The following DST variants were observed in gnomAD, a reference collection of about 807,000 sequenced individuals.
The protein encoded by DST is dystonin, also known as bullous pemphigoid antigen.
Under a neutral mutation model 875.2 loss-of-function variants are expected in DST, and 253 were observed. That is an observed-to-expected ratio of 0.29 (90% CI 0.26 to 0.32). The LOEUF is 0.32. DST is among the 10% of genes least tolerant of loss of function. The pLI, the probability that DST is intolerant of heterozygous loss-of-function variation, is 1.00. For missense variants in DST, 8,287 were observed against 9,111.6 expected (o/e 0.91, Z 3.68); for synonymous variants, 3,124 against 3,197.1 (o/e 0.98, Z 0.77).
chr6:56,951,483 C>T (rs774265263), intron 2 of DST, among the ~76,000 whole-genome samples: 2 of 152,072 alleles, frequency 1.3e-5, no homozygotes, highest in South Asian at 4.1e-4. Context: ...ATGTTTAAAA[C>T]CAAGTAAATT....
Position 56,594,202 on chromosome 6 carries a change from A to G in DST, c.12196-9T>C. The G allele has an allele frequency of 6.6e-7, 1 of 1,507,818 alleles. No homozygotes were observed. The highest frequency in any genetic ancestry group is 1.4e-5 in the South Asian group (1 of 72,966). The allele number at this position is 1,507,818 out of a possible 1,614,324, so 93.4% of individuals were successfully genotyped here. A position where few individuals can be genotyped will look rare whatever the true frequency, so the allele number is the denominator to read the frequency against. ...ATCTTCTCGTGTTGGGCCTATGTGA[A>G]AACAAATTGATCATAATCTTCAAGC... On this transcript the variant is annotated splice_polypyrimidine_tract_variant and intron_variant, in intron 47 of 103. Coordinates refer to ENST00000680361, the MANE Select transcript of DST (RefSeq NM_001374736.1).
intron 4 of DST, among the ~76,000 whole-genome samples, chr6:56,793,097 A>AAC (rs2099732814): frequency 6.8e-6 from 1 of 146,404 alleles, no homozygotes; most frequent in Non-Finnish European, 1.5e-5. Context: ...AAAAAAAAAA[A>AAC]AAGCAAAAGG....
intron 88 of DST, chr6:56,484,851 A>G (rs942889868): frequency 1.9e-5 from 3 of 155,376 alleles, no homozygotes; most frequent in African/African-American, 7.2e-5. Flanking sequence ...GGCAAGGTTA[A>G]AACAGTTTTG....
chr6:56,472,114 A>T lies in DST; in HGVS notation c.22103T>A (p.Leu7368His). The T allele has an allele frequency of 6.2e-7, 1 of 1,613,966 alleles. No homozygotes were observed. The highest frequency in any genetic ancestry group is 8.5e-7 in the Non-Finnish European group (1 of 1,179,858). ...TTTCCTCCTTCTTTCCAACGCCAGG[A>T]GCCAGACTTGCTGCCATTTGCTCAC... Reference protein sequence around the residue: ...LLVSKWQQVWLLALERRRKLN... With the variant: ...LLVSKWQQVWHLALERRRKLN... The change falls in exon 94 of 104, where the codon CTC becomes CAC. Residue 7368 changes from leucine (L) to histidine (H), a missense_variant. Leu to His is a moderately conservative substitution (Grantham distance 99). Coordinates refer to ENST00000680361, the MANE Select transcript of DST (RefSeq NM_001374736.1).
intron 2 of DST, among the ~76,000 whole-genome samples, chr6:56,901,953 G>A (rs908303350): frequency 1.3e-5 from 2 of 152,210 alleles, no homozygotes; most frequent in African/African-American, 2.4e-5. Context: ...GTAATGAAGG[G>A]TTAAAGTGGT....
intron 3 of DST, among the ~76,000 whole-genome samples, chr6:56,893,562 C>CTTTTTTTTTTTTTTTTTTTTTTTTTTT (rs1282483681): frequency 2.8e-4 from 10 of 35,896 alleles, no homozygotes; most frequent in Non-Finnish European, 3.6e-4. Context: ...ACTTTTAGTT[C>CTTTTTTTTTTTTTTTTTTTTTTTTTTT]TTTTTTTTTT....
chr6:56,497,311 G>T, intron 82 of DST, 68 bp downstream of exon 82: 1 of 1,552,766 alleles, frequency 6.4e-7, no homozygotes. Context: ...TTTATGTATC[G>T]CCAGGGCCCA....
In DST at chr6:56,535,218, C is replaced by G; in HGVS notation, c.16845G>C (p.Leu5615=). 6.2e-6 allele frequency: 10 copies of G among 1,613,592 alleles called. No homozygotes were observed. Among genetic ancestry groups the G allele is most frequent in the Non-Finnish European group, 8.5e-6 (10 of 1,179,750 alleles). The change falls in exon 63 of 104, where the codon CTG becomes CTC. Residue 5615 remains leucine (L), a synonymous_variant. Coordinates refer to ENST00000680361, the MANE Select transcript of DST (RefSeq NM_001374736.1). ...CGRFQDALES[L]LSWMVDTEEL... ...CCTCAGTGTCCACCATCCAGCTGAGCAGGGACTCCAGGGCATCCTGGAACC... is the reference window on the plus strand; with the variant it reads ...CCTCAGTGTCCACCATCCAGCTGAGGAGGGACTCCAGGGCATCCTGGAACC...
At chr6:56,562,502 T>C (rs893259358) in intron 55 of DST, among the ~76,000 whole-genome samples, 3 of 151,928 alleles carry the variant, frequency 2.0e-5, no homozygotes, top group African/African-American at 7.2e-5. Flanking sequence ...TCCAATAAAT[T>C]CCTTTATTCT....
intron 45 of DST, among the ~76,000 whole-genome samples, chr6:56,599,619 A>G (rs1232117651): frequency 1.3e-5 from 2 of 152,114 alleles, no homozygotes; most frequent in Non-Finnish European, 2.9e-5. Flanking sequence ...AAATAAAGAT[A>G]TCTTTATCTG....
chr6:56,793,847 C>T (rs1487538560), intron 4 of DST, among the ~76,000 whole-genome samples: 1 of 152,032 alleles, frequency 6.6e-6, no homozygotes, highest in Non-Finnish European at 1.5e-5. Context: ...ATTTTAAATG[C>T]ACAATAAAAG....
chr6:56,863,746 T>G (rs574303779), intron 3 of DST: 1 of 152,232 alleles, frequency 6.6e-6, no homozygotes, highest in Admixed American at 6.5e-5. Flanking sequence ...TAAAACAATA[T>G]GATGAATTCT....
At chr6:56,948,251 G>T (rs571465243) in intron 2 of DST, among the ~76,000 whole-genome samples, 194 of 152,184 alleles carry the variant, frequency 1.3e-3, no homozygotes, top group Non-Finnish European at 2.1e-3. Context: ...AAGTCAAGAA[G>T]TTTTACCTTT....
chr6:56,783,348 T>A (rs2099698223), intron 4 of DST, among the ~76,000 whole-genome samples: 1 of 152,162 alleles, frequency 6.6e-6, no homozygotes, highest in East Asian at 1.9e-4. Flanking sequence ...ATTATTATTG[T>A]GTGGGAGTCT....
chr6:56,931,364 C>G (rs1359093904), intron 2 of DST, among the ~76,000 whole-genome samples: 2 of 152,150 alleles, frequency 1.3e-5, no homozygotes, highest in East Asian at 1.9e-4. Context: ...GATGCCCAGA[C>G]AGAAGTTTGC....
At chr6:56,745,299 T>C (rs2099569194) in intron 4 of DST, among the ~76,000 whole-genome samples, 1 of 152,246 alleles carries the variant, frequency 6.6e-6, no homozygotes, top group African/African-American at 2.4e-5. Context: ...AAATATTGTC[T>C]GCCTCTGTTG....
Position 56,506,769 on chromosome 6 carries a change from A to C in DST, c.19260T>G (p.Asp6420Glu). The change falls in exon 76 of 104, where the codon GAT (aspartate) becomes GAG (glutamate). Residue 6420 changes from aspartate to glutamate, a missense_variant. By Grantham distance (45) the Asp-to-Glu change is conservative (BLOSUM62 2). Around this residue, in one of 10 missense-constraint regions of DST, gnomAD observed 1,292 missense variants for 1,552.7 expected, o/e 0.83. Transcript: ENST00000680361. ...CTATATCCAGCTCCTCCTGTAGTCC[A>C]TCTATTTCTTCCCTTATGGTCTAGA... ...EAAETIREEI[D>E]GLQEELDIVI... 1 of 1,612,584 alleles carries C rather than the reference A, an allele frequency of 6.2e-7. No homozygotes were observed. The highest frequency in any genetic ancestry group is 1.3e-5 in the African/African-American group (1 of 74,968).
intron 103 of DST, among the ~76,000 whole-genome samples, chr6:56,459,875 A>C (rs931090985): frequency 6.6e-6 from 1 of 152,188 alleles, no homozygotes; most frequent in African/African-American, 2.4e-5. Flanking sequence ...AAAATCTTTC[A>C]GCTTGAAGGG....
At chr6:56,795,639 A>C (rs1205186541) in intron 4 of DST, among the ~76,000 whole-genome samples, 1 of 152,174 alleles carries the variant, frequency 6.6e-6, no homozygotes, top group Non-Finnish European at 1.5e-5. Flanking sequence ...CTCCAGACCA[A>C]TTACTTCAAA....
Sources: allele counts gnomAD v4.1 joint callset (sites outside exome capture counted in the v4.1 genomes callset), GRCh38; gene constraint gnomAD v4.1.1; regional missense constraint gnomAD v4.1.1; transcripts MANE v1.5; gene names NCBI Gene and HGNC (gene_info 2026-07-23, HGNC 2026-07-21).